The following TMPRSS7 variants were observed in gnomAD, a reference collection of about 807,000 sequenced individuals.
TMPRSS7 encodes the protein transmembrane serine protease 7.
Under a neutral mutation model 95.6 loss-of-function variants are expected in TMPRSS7, and 81 were observed. The ratio of observed to expected loss-of-function variants is 0.85; its 90% CI spans 0.71 to 1.02. TMPRSS7 has a LOEUF of 1.02. Among genes scored for constraint, TMPRSS7 ranks in the 50% least tolerant of loss-of-function variants. The pLI, the probability that TMPRSS7 is intolerant of heterozygous loss-of-function variation, is 0.00. For missense variants in TMPRSS7, 945 were observed against 955.2 expected (o/e 0.99, Z 0.14); for synonymous variants, 364 against 337.8 (o/e 1.08, Z -0.85).
At chr3:112,077,917 T>A (rs934606245) in intron 16 of TMPRSS7, among the ~76,000 whole-genome samples, 1 of 152,208 alleles carries the variant, frequency 6.6e-6, no homozygotes, top group African/African-American at 2.4e-5. Context: ...GATCTTTCAA[T>A]CACCTCACCT....
At chr3:112,055,540 G>C (rs1225975355) in intron 9 of TMPRSS7, among the ~76,000 whole-genome samples, 1 of 151,168 alleles carries the variant, frequency 6.6e-6, no homozygotes, top group Non-Finnish European at 1.5e-5. Context: ...ACAAGTAATG[G>C]GTAAAATTCA....
chr3:112,066,576 T>TGGGTTAG (rs948397259), intron 13 of TMPRSS7, 74 bp downstream of exon 13: 1 of 1,382,704 alleles, frequency 7.2e-7, no homozygotes, highest in Non-Finnish European at 1.0e-6. Flanking sequence ...ATACCTCTGA[T>TGGGTTAG]GGGTTAGGGG....
At chr3:112,045,624 C>A in intron 4 of TMPRSS7, 126 bp from the exon 5 acceptor site, 1 of 859,954 alleles carries the variant, frequency 1.2e-6, no homozygotes, top group Non-Finnish European at 1.8e-6. Flanking sequence ...CAATGACTAC[C>A]TAAAGAAGGG....
chr3:112,044,325 A>G lies in TMPRSS7; in HGVS notation c.497+3A>G. 3.2e-6 allele frequency: 5 copies of G among 1,550,080 alleles called. No individual in the cohort carries two copies. Among genetic ancestry groups the G allele is most frequent in the Non-Finnish European group, 4.4e-6 (5 of 1,145,666 alleles). ...CAGTCTGTTGTTGCAGATGTCAGGT[A>G]ATGCATGTCCCTTGTTTTGAGATTT... is the stretch of plus-strand genomic sequence containing the variant. On this transcript the variant is annotated splice_donor_region_variant and intron_variant, in intron 4 of 17. Transcript: ENST00000452346.
chr3:112,055,497 C>T (rs186794939), intron 9 of TMPRSS7, among the ~76,000 whole-genome samples: 43 of 139,368 alleles, frequency 3.1e-4, no homozygotes, highest in Non-Finnish European at 3.5e-4. Context: ...ACATATAATA[C>T]GATGACATAA....
chr3:112,054,901 A>G lies in TMPRSS7; in HGVS notation c.1204-2124A>G, dbSNP rs559394265. Among the ~76,000 whole-genome samples, 1,198 of 151,750 alleles carry G rather than the reference A, an allele frequency of 7.9e-3. 17 individuals are homozygous for G. Among genetic ancestry groups the G allele is most frequent in the African/African-American group, 0.027 (1,135 of 41,384 alleles). On this transcript the variant is annotated intron_variant, in intron 9 of 17. Transcript: ENST00000452346. ...ACTACAGGCGCCCGCCACCAAGTCC[A>G]GCTAATTTTTTCTATTTTTAGTAGA...
intron 15 of TMPRSS7, 111 bp downstream of exon 15, chr3:112,075,603 T>C: frequency 1.0e-6 from 1 of 996,390 alleles, no homozygotes; most frequent in Non-Finnish European, 1.4e-6. Flanking sequence ...ATCAATTCAA[T>C]TGCACTTTCA....
At chr3:112,048,315 T>A (rs1165058714) in intron 7 of TMPRSS7, among the ~76,000 whole-genome samples, 2 of 152,258 alleles carry the variant, frequency 1.3e-5, no homozygotes, top group Non-Finnish European at 2.9e-5. Flanking sequence ...TATCCTATGA[T>A]GATTGCATCA....
At chr3:112,050,068 T>C (rs2073326618) in intron 8 of TMPRSS7, 94 bp downstream of exon 8, 2 of 1,276,082 alleles carry the variant, frequency 1.6e-6, no homozygotes, top group African/African-American at 3.0e-5. Context: ...GTAATATTCA[T>C]TGTATTAGTC....
chr3:112,052,286 G>A (rs2073374503), intron 9 of TMPRSS7, among the ~76,000 whole-genome samples: 1 of 151,986 alleles, frequency 6.6e-6, no homozygotes, highest in African/African-American at 2.4e-5. Context: ...CTAACCTTGT[G>A]AATACCAGGA....
chr3:112,061,052 C>A (rs1312585379), intron 10 of TMPRSS7, among the ~76,000 whole-genome samples: 1 of 152,112 alleles, frequency 6.6e-6, no homozygotes, highest in Non-Finnish European at 1.5e-5. Context: ...CTGCTGTCTC[C>A]CATCAAGATC....
chr3:112,076,555 C>T (rs973290673), intron 15 of TMPRSS7, among the ~76,000 whole-genome samples: 3 of 152,158 alleles, frequency 2.0e-5, no homozygotes, highest in African/African-American at 7.2e-5. Context: ...ATTCTAGTTA[C>T]CAACATTCTT....
intron 4 of TMPRSS7, among the ~76,000 whole-genome samples, chr3:112,044,648 A>C (rs2073254523): frequency 6.6e-6 from 1 of 152,280 alleles, no homozygotes; most frequent in African/African-American, 2.4e-5. Context: ...ATGATTTCTT[A>C]ATGTTCAGTG....
intron 5 of TMPRSS7, among the ~76,000 whole-genome samples, chr3:112,046,533 A>G (rs1322736597): frequency 6.6e-6 from 1 of 152,082 alleles, no homozygotes; most frequent in Non-Finnish European, 1.5e-5. Context: ...AGTATATTAT[A>G]CACACACACA....
chr3:112,058,290 A>T (rs940015185), intron 10 of TMPRSS7, among the ~76,000 whole-genome samples: 19 of 152,208 alleles, frequency 1.2e-4, no homozygotes, highest in African/African-American at 4.6e-4. Flanking sequence ...TGGATTCACT[A>T]TTAAAATGCA....
chr3:112,058,567 G>A (rs1368375729), intron 10 of TMPRSS7, among the ~76,000 whole-genome samples: 2 of 152,150 alleles, frequency 1.3e-5, no homozygotes, highest in East Asian at 1.9e-4. Context: ...GATTGTTTTT[G>A]AAATGACACT....
chr3:112,044,102 A>G (rs2073246145), intron 3 of TMPRSS7, among the ~76,000 whole-genome samples, 153 bp from the exon 4 acceptor site: 1 of 152,222 alleles, frequency 6.6e-6, no homozygotes, highest in African/African-American at 2.4e-5. Context: ...TTTGAATTCA[A>G]GAAATAATGC....
At chr3:112,042,926 C>T (rs2073227308) in intron 3 of TMPRSS7, 2 of 445,662 alleles carry the variant, frequency 4.5e-6, no homozygotes, top group Admixed American at 2.4e-5. Context: ...TTCCACGGTA[C>T]TGGAGAGGGT....
exon 18 of TMPRSS7, chr3:112,081,031 A>G: frequency 2.5e-6 from 4 of 1,613,626 alleles, no homozygotes; most frequent in Non-Finnish European, 3.4e-6. Context: ...TGTTTACACA[A>G]GGGTGTCAAA....
Sources: allele counts gnomAD v4.1 joint callset (sites outside exome capture counted in the v4.1 genomes callset), GRCh38; gene constraint gnomAD v4.1.1; transcripts MANE v1.5; gene names NCBI Gene and HGNC (gene_info 2026-07-23, HGNC 2026-07-21).